POLR2E: variants seen among roughly 807,000 people sequenced by gnomAD.
The protein encoded by POLR2E is DNA-directed RNA polymerases I, II, and III subunit RPABC1.
In POLR2E, 35 loss-of-function variants were observed where a neutral mutation model predicts 29.8. The ratio of observed to expected loss-of-function variants is 1.17; its 90% CI spans 0.90 to 1.55. The LOEUF (loss-of-function observed/expected upper bound fraction) is 1.55, where lower values mean the gene tolerates loss of function less well. Among genes scored for constraint, POLR2E ranks in the 40% most tolerant of loss-of-function variants. The pLI is 0.00. For missense variants in POLR2E, 287 were observed against 288.6 expected (o/e 0.99, Z 0.04); for synonymous variants, 174 against 112.6 (o/e 1.55, Z -3.45).
In POLR2E at chr19:1,088,297, G is replaced by A. The variant is rs1030529545; in HGVS notation, c.*438C>T. Reference sequence around the variant, plus strand: ...CTTGAGCGCGTGCATGGCTGTGAATGGAGTAAAGAGCCGAGGCCGGGCGGG... The same window carrying A: ...CTTGAGCGCGTGCATGGCTGTGAATAGAGTAAAGAGCCGAGGCCGGGCGGG... On this transcript the variant is annotated 3_prime_UTR_variant, in exon 8 of 8. Transcript: ENST00000615234. The A allele has an allele frequency of 6.6e-6, 1 of 152,354 alleles. No individual in the cohort carries two copies. Among genetic ancestry groups the A allele is most frequent in the Non-Finnish European group, 1.5e-5 (1 of 68,084 alleles). The allele number at this position is 152,354 out of a possible 1,614,324, so 9.4% of individuals were successfully genotyped here.
intron 6 of POLR2E, 30 bp downstream of exon 6, chr19:1,089,854 C>G: frequency 3.2e-6 from 5 of 1,572,010 alleles, no homozygotes; most frequent in Non-Finnish European, 3.5e-6. Flanking sequence ...TCAGAGCAGC[C>G]CCAGGGCCCC....
At chr19:1,092,533 C>T (rs970531594) in intron 2 of POLR2E, among the ~76,000 whole-genome samples, 96 of 151,858 alleles carry the variant, frequency 6.3e-4, no homozygotes, top group African/African-American at 1.7e-3. Context: ...AATCCCGTTT[C>T]TACTAAAAAT....
chr19:1,087,157 A>G lies in POLR2E; in HGVS notation c.*1578T>C, dbSNP rs1490305258. On this transcript the variant is annotated 3_prime_UTR_variant, in exon 8 of 8. Transcript: ENST00000615234. ...AGGTGTGAGCCACTGTGCCCAGGTA[A>G]TCTTAAAGTTTTTTGTAGAGGTGGG... The G allele has an allele frequency of 6.7e-6, 1 of 149,184 alleles. No homozygotes were observed. Among genetic ancestry groups the G allele is most frequent in the Non-Finnish European group, 1.5e-5 (1 of 67,270 alleles). 9.2% of individuals were successfully genotyped at this position (149,184 alleles called of 1,614,324 possible).
At chr19:1,090,626 G>A (rs1406990146) in intron 4 of POLR2E, among the ~76,000 whole-genome samples, 3 of 151,962 alleles carry the variant, frequency 2.0e-5, no homozygotes, top group Non-Finnish European at 4.4e-5. Flanking sequence ...CACCGTGTTA[G>A]CCAGGATGGT....
intron 4 of POLR2E, among the ~76,000 whole-genome samples, chr19:1,090,460 A>ATTTTTTTTT (rs58876047): frequency 4.4e-5 from 4 of 90,444 alleles, no homozygotes; most frequent in Non-Finnish European, 6.4e-5. Flanking sequence ...CGGGATCTGC[A>ATTTTTTTTT]TTTTTTTTTT....
Position 1,086,704 on chromosome 19 carries a change from G to A in POLR2E, c.*2031C>T, listed in dbSNP as rs2043676633. On this transcript the variant is annotated 3_prime_UTR_variant, in exon 8 of 8. Coordinates refer to ENST00000615234, the MANE Select transcript of POLR2E (RefSeq NM_002695.5). ...GCTTAGAAGAAGGGGCCAGGGAGGG[G>A]ACAGAGAGAGCCCCGTGGCGTGGCC... is the stretch of plus-strand genomic sequence containing the variant. The A allele has an allele frequency of 6.6e-6, 1 of 152,308 alleles. No individual in the cohort carries two copies. The highest frequency in any genetic ancestry group is 2.4e-5 in the African/African-American group (1 of 41,414). 9.4% of individuals were successfully genotyped at this position (152,308 alleles called of 1,614,324 possible).
rs775054696 is a variant in POLR2E at position 1,093,850 on chromosome 19, C to G, written c.232+54G>C. On this transcript the variant is annotated intron_variant, in intron 2 of 7. Transcript: ENST00000615234. Reference sequence around the variant, plus strand: ...GGGGGTGGGTGCTAGCGACCGGCTCCTCGGCAGGTGCTCTGGTGGCTTCAC... The same window carrying G: ...GGGGGTGGGTGCTAGCGACCGGCTCGTCGGCAGGTGCTCTGGTGGCTTCAC... 2.7e-6 allele frequency: 4 copies of G among 1,507,496 alleles called. No individual in the cohort carries two copies. The East Asian group carries it at 9.9e-5, about 37-fold the overall frequency. The allele number at this position is 1,507,496 out of a possible 1,614,324, so 93.4% of individuals were successfully genotyped here.
rs996855359 is a variant in POLR2E at position 1,089,561 on chromosome 19, C to G, written c.568-10G>C. 14 of 1,612,602 alleles carry G rather than the reference C, an allele frequency of 8.7e-6. No individual in the cohort carries two copies. In the East Asian group the frequency reaches 1.3e-4, roughly 15 times the overall value. ...GGATGATCTTCACCACCTGCAGAGACAGAGAGCAGGGGCTGCGAATGCTTG... is the reference window on the plus strand; with the variant it reads ...GGATGATCTTCACCACCTGCAGAGAGAGAGAGCAGGGGCTGCGAATGCTTG... On this transcript the variant is annotated splice_polypyrimidine_tract_variant and intron_variant, in intron 6 of 7. Transcript: ENST00000615234.
intron 3 of POLR2E, chr19:1,091,419 G>T: frequency 2.7e-6 from 1 of 374,994 alleles, no homozygotes; most frequent in Non-Finnish European, 5.0e-6. Flanking sequence ...ACACGGATAG[G>T]CCCCTGGAGG....
intron 3 of POLR2E, chr19:1,091,570 C>T (rs1276949005): frequency 2.8e-5 from 16 of 568,442 alleles, no homozygotes; most frequent in Admixed American, 6.1e-5. Flanking sequence ...GCCCTGACGC[C>T]CCTCCTGAGA....
rs2043670082 is a variant in POLR2E at position 1,086,613 on chromosome 19, AAAG to A, written c.*2119_*2121del. ...AGGCACGTTTATTTTGCTGAAATAA[AAAG>A]TTTTTAATCGGGTGTTTTCTGTGGC... is the stretch of plus-strand genomic sequence containing the variant. On this transcript the variant is annotated 3_prime_UTR_variant, in exon 8 of 8. Transcript: ENST00000615234. The A allele has an allele frequency of 6.6e-6, 1 of 152,340 alleles. No individual in the cohort carries two copies. Among genetic ancestry groups the A allele is most frequent in the African/African-American group, 2.4e-5 (1 of 41,424 alleles). 9.4% of individuals were successfully genotyped at this position (152,340 alleles called of 1,614,324 possible). A position where few individuals can be genotyped will look rare whatever the true frequency, so the allele number is the denominator to read the frequency against.
At position 1,095,341 on chromosome 19, in the gene POLR2E, C is replaced by A. The variant is rs751366807; in HGVS notation, c.-26G>T. 4 of 1,612,226 alleles carry A rather than the reference C, an allele frequency of 2.5e-6. No homozygotes were observed. The South Asian group carries it at 4.4e-5, about 18-fold the overall frequency. On this transcript the variant is annotated 5_prime_UTR_variant, in exon 1 of 8. Coordinates refer to ENST00000615234, the MANE Select transcript of POLR2E (RefSeq NM_002695.5). ...GGCAGCCTCCGCCGCCGCCGCCGCT[C>A]GCACCCCTTCTCCGCGCGAGAACCC...
chr19:1,090,868 G>C, intron 4 of POLR2E, 40 bp downstream of exon 4: 1 of 1,569,054 alleles, frequency 6.4e-7, no homozygotes, highest in Non-Finnish European at 8.7e-7. Context: ...CTGCATCTCT[G>C]CCGGCCCCAC....
Position 1,093,708 on chromosome 19 carries a change from G to C in POLR2E, c.232+196C>G. On this transcript the variant is annotated intron_variant, in intron 2 of 7. Coordinates refer to ENST00000615234, the MANE Select transcript of POLR2E (RefSeq NM_002695.5). ...GAGAAGGGGACTGAGAGGGAAACTA[G>C]AAAGAAGCTGAGCATGAGAGGGGTC... 2 of 1,371,160 alleles carry C rather than the reference G, an allele frequency of 1.5e-6. 1 individual carries two copies. Among genetic ancestry groups the C allele is most frequent in the South Asian group, 3.4e-5 (2 of 58,480 alleles). The allele number at this position is 1,371,160 out of a possible 1,614,324, so 84.9% of individuals were successfully genotyped here.
rs571894565 is a variant in POLR2E at position 1,093,646 on chromosome 19, G to C, written c.232+258C>G. On this transcript the variant is annotated intron_variant, in intron 2 of 7. Coordinates refer to ENST00000615234, the MANE Select transcript of POLR2E (RefSeq NM_002695.5). ...AGGACATGGGGGGCTGGGGGTGAGT[G>C]GGGAGGCCCTTGTGACTCTCCTCGT... The C allele has an allele frequency of 1.1e-5, 10 of 932,326 alleles. No individual in the cohort carries two copies. The East Asian group carries it at 3.2e-4, about 30-fold the overall frequency. 57.8% of individuals were successfully genotyped at this position (932,326 alleles called of 1,614,324 possible). A position where few individuals can be genotyped will look rare whatever the true frequency, so the allele number is the denominator to read the frequency against.
At chr19:1,093,794 C>T in intron 2 of POLR2E, 110 bp downstream of exon 2, 2 of 1,434,790 alleles carry the variant, frequency 1.4e-6, no homozygotes, top group Non-Finnish European at 1.8e-6. Flanking sequence ...CCAGACTGGG[C>T]AGAGAGACAA....
chr19:1,091,791 C>G lies in POLR2E; in HGVS notation c.348+1G>C. 1 of 1,600,306 alleles carries G rather than the reference C, an allele frequency of 6.2e-7. No individual in the cohort carries two copies. On this transcript the variant is annotated splice_donor_variant, in intron 3 of 7. Transcript: ENST00000615234. LOFTEE classifies it high-confidence loss of function. ...TGGCGGGGTGGGGCAGGGGTGCCCACCTGCTTGGCGGAGGGTGTCATGCCC... is the reference window on the plus strand; with the variant it reads ...TGGCGGGGTGGGGCAGGGGTGCCCAGCTGCTTGGCGGAGGGTGTCATGCCC...
Position 1,086,982 on chromosome 19 carries a change from T to A in POLR2E, c.*1753A>T, listed in dbSNP as rs1307108239. The A allele has an allele frequency of 7.0e-6, 1 of 141,958 alleles. No individual in the cohort carries two copies. The highest frequency in any genetic ancestry group is 1.5e-5 in the Non-Finnish European group (1 of 65,896). 8.8% of individuals were successfully genotyped at this position (141,958 alleles called of 1,614,324 possible). ...GCACTGGAAACGTGGCCCATGCGCC[T>A]GTGGAACTGCATTTTTTTTTTTTTT... On this transcript the variant is annotated 3_prime_UTR_variant, in exon 8 of 8. Transcript: ENST00000615234.
intron 4 of POLR2E, among the ~76,000 whole-genome samples, 197 bp downstream of exon 4, chr19:1,090,710 GC>G (rs1405223573): frequency 6.6e-6 from 1 of 151,922 alleles, no homozygotes; most frequent in Non-Finnish European, 1.5e-5. Flanking sequence ...GAGCCACCGC[GC>G]CCGGCCGGGA....
Sources: allele counts gnomAD v4.1 joint callset (sites outside exome capture counted in the v4.1 genomes callset), GRCh38; gene constraint gnomAD v4.1.1; transcripts MANE v1.5; gene names NCBI Gene and HGNC (gene_info 2026-07-23, HGNC 2026-07-21).